DEPDC1B: variants seen among roughly 807,000 people sequenced by gnomAD.
DEPDC1B encodes DEP domain containing 1B.
A neutral mutation model predicts 66.5 loss-of-function variants in DEPDC1B; 51 were observed. The ratio of observed to expected loss-of-function variants is 0.77; its 90% confidence interval spans 0.61 to 0.97. The LOEUF (loss-of-function observed/expected upper bound fraction) is 0.97, where lower values mean the gene tolerates loss of function less well. DEPDC1B is among the 50% of genes least tolerant of loss of function. The pLI, the probability that DEPDC1B is intolerant of heterozygous loss-of-function variation, is 0.00. For missense variants in DEPDC1B, 552 were observed against 637.1 expected, an observed-to-expected ratio of 0.87 and a Z score of 1.44; for synonymous variants, 226 against 223.6, an observed-to-expected ratio of 1.01 and a Z score of -0.10.
Position 60,644,810 on chromosome 5 carries a change from T to C in DEPDC1B, c.644A>G (p.Lys215Arg), listed in dbSNP as rs575737262. Reference protein sequence around the residue: ...EVLDVKLVNSKFIIHNVYSVS... With the variant: ...EVLDVKLVNSRFIIHNVYSVS... Reference sequence around the variant, plus strand: ...ACTATATACATTATGGATGATGAACTTCGAATTGACAAGTTTGACGTCTAA... The same window carrying C: ...ACTATATACATTATGGATGATGAACCTCGAATTGACAAGTTTGACGTCTAA... Residue 215 changes from lysine to arginine, a missense_variant, in exon 5 of 11, where the codon AAG becomes AGG. By Grantham distance (26) the Lys-to-Arg change is conservative (BLOSUM62 2). Transcript: ENST00000265036. 9 of 1,611,604 alleles carry C rather than the reference T, an allele frequency of 5.6e-6. No homozygotes were observed. The African/African-American group carries it at 9.3e-5, about 17-fold the overall frequency.
chr5:60,650,748 A>G (rs1162481279), intron 2 of DEPDC1B, among the ~76,000 whole-genome samples: 2 of 152,214 alleles, frequency 1.3e-5, no homozygotes, highest in African/African-American at 2.4e-5. Context: ...TCAGCCTGCC[A>G]TATTTCCAAA....
chr5:60,651,313 A>G (rs1753445498), intron 2 of DEPDC1B, among the ~76,000 whole-genome samples: 1 of 152,148 alleles, frequency 6.6e-6, no homozygotes, highest in African/African-American at 2.4e-5. Context: ...GGATTGTCTG[A>G]GGTCAGGAAT....
At chr5:60,687,289 T>C (rs1319480234) in intron 1 of DEPDC1B, 62 bp from the exon 2 acceptor site, 30 of 1,527,866 alleles carry the variant, frequency 2.0e-5, no homozygotes, top group Admixed American at 8.3e-5. Context: ...TTACTACATC[T>C]CAAATAATTA....
intron 3 of DEPDC1B, 22 bp from the exon 4 acceptor site, chr5:60,645,641 A>C: frequency 2.5e-6 from 4 of 1,590,410 alleles, no homozygotes; most frequent in Non-Finnish European, 3.4e-6. Context: ...GGGATGTAAG[A>C]AGGGAGGGAA....
chr5:60,629,756 T>C (rs944177241), intron 7 of DEPDC1B, among the ~76,000 whole-genome samples: 1 of 152,212 alleles, frequency 6.6e-6, no homozygotes, highest in African/African-American at 2.4e-5. Context: ...TAATTTCTTA[T>C]ACATGTTAGA....
At chr5:60,658,725 T>C (rs1193035096) in intron 2 of DEPDC1B, among the ~76,000 whole-genome samples, 1 of 152,186 alleles carries the variant, frequency 6.6e-6, no homozygotes, top group Non-Finnish European at 1.5e-5. Context: ...GATCAGGATA[T>C]AAACCCAAGC....
chr5:60,631,409 G>C (rs1204386499), intron 7 of DEPDC1B, among the ~76,000 whole-genome samples: 1 of 152,204 alleles, frequency 6.6e-6, no homozygotes, highest in African/African-American at 2.4e-5. Context: ...TCAGGGAAAT[G>C]ACATGTTCCC....
At chr5:60,645,421 C>T in intron 4 of DEPDC1B, 71 bp downstream of exon 4, 2 of 1,375,658 alleles carry the variant, frequency 1.5e-6, no homozygotes, top group African/African-American at 1.5e-5. Flanking sequence ...ATTAAATATG[C>T]AGAGAGTGAA....
At chr5:60,624,413 T>C (rs146626407) in intron 7 of DEPDC1B, among the ~76,000 whole-genome samples, 30 of 152,330 alleles carry the variant, frequency 2.0e-4, no homozygotes, top group African/African-American at 6.7e-4. Context: ...AATGTATTTT[T>C]GCATTTGGTT....
At chr5:60,698,638 C>T (rs1202306104) in intron 1 of DEPDC1B, among the ~76,000 whole-genome samples, 1 of 151,686 alleles carries the variant, frequency 6.6e-6, no homozygotes, top group Non-Finnish European at 1.5e-5. Flanking sequence ...CCAAATAAAA[C>T]AATGTCACAG....
chr5:60,698,674 T>A (rs1262899542), intron 1 of DEPDC1B, among the ~76,000 whole-genome samples: 4 of 151,824 alleles, frequency 2.6e-5, no homozygotes, highest in African/African-American at 7.2e-5. Context: ...TTATTATTTT[T>A]TTTTTTTTTT....
At chr5:60,617,631 C>T (rs1476370720) in intron 7 of DEPDC1B, among the ~76,000 whole-genome samples, 1 of 152,218 alleles carries the variant, frequency 6.6e-6, no homozygotes, top group Admixed American at 6.5e-5. Flanking sequence ...CAGCCAGATT[C>T]ATAAAGCAAG....
Position 60,599,068 on chromosome 5 carries a change from C to A in DEPDC1B, c.1428+7G>T. On this transcript the variant is annotated splice_region_variant and intron_variant, in intron 10 of 10. Transcript: ENST00000265036. ...GAAAAAATGGCTTATAAAGAATATC[C>A]TTTTACCTGCTTCAGTTTCTTCTTT... 1 of 1,575,818 alleles carries A rather than the reference C, an allele frequency of 6.3e-7. No individual in the cohort carries two copies. Among genetic ancestry groups the A allele is most frequent in the Non-Finnish European group, 8.6e-7 (1 of 1,166,670 alleles).
chr5:60,624,506 A>G (rs1343340625), intron 7 of DEPDC1B, among the ~76,000 whole-genome samples: 1 of 152,154 alleles, frequency 6.6e-6, no homozygotes, highest in East Asian at 1.9e-4. Context: ...GGCCTCATAA[A>G]ATGGTTCAGG....
chr5:60,607,661 G>T (rs2111725268), intron 7 of DEPDC1B, among the ~76,000 whole-genome samples: 1 of 152,206 alleles, frequency 6.6e-6, no homozygotes, highest in Non-Finnish European at 1.5e-5. Flanking sequence ...GAGGAGCTGG[G>T]GAGTGAGGGG....
At chr5:60,667,608 TATATATAAAAAATGGATATTTTAC>T (rs1396456508) in intron 2 of DEPDC1B, among the ~76,000 whole-genome samples, 5 of 140,744 alleles carry the variant, frequency 3.6e-5, no homozygotes, top group Non-Finnish European at 7.5e-5. Context: ...ATATTTTACA[TATATATAAAAAATGGATATTTTAC>T]ATATATGAAA....
At chr5:60,600,341 T>G (rs1433790060) in intron 9 of DEPDC1B, among the ~76,000 whole-genome samples, 1 of 152,154 alleles carries the variant, frequency 6.6e-6, no homozygotes, top group Non-Finnish European at 1.5e-5. Context: ...AATATTTAAT[T>G]TCAGAGCCTG....
intron 6 of DEPDC1B, among the ~76,000 whole-genome samples, chr5:60,641,191 C>T (rs937200735): frequency 6.6e-5 from 10 of 152,158 alleles, no homozygotes; most frequent in Non-Finnish European, 7.4e-5. Flanking sequence ...TTTTGGCTTT[C>T]GGTGCACATG....
At chr5:60,632,981 G>A (rs576581460) in intron 7 of DEPDC1B, among the ~76,000 whole-genome samples, 2 of 152,226 alleles carry the variant, frequency 1.3e-5, no homozygotes, top group African/African-American at 4.8e-5. Context: ...CCTGCATTAT[G>A]CCCTCACCTA....
Sources: allele counts gnomAD v4.1 joint callset (sites outside exome capture counted in the v4.1 genomes callset), GRCh38; gene constraint gnomAD v4.1.1; transcripts MANE v1.5; gene names NCBI Gene and HGNC (gene_info 2026-07-23, HGNC 2026-07-21).